Variants in TSPOAP1 observed in about 807,000 individuals in gnomAD.
TSPOAP1 encodes peripheral-type benzodiazepine receptor-associated protein 1.
A neutral mutation model predicts 197.0 loss-of-function variants in TSPOAP1; 87 were observed. The observed-to-expected ratio is 0.44, with a 90% CI of 0.37 to 0.53. TSPOAP1 has a LOEUF of 0.53. TSPOAP1 is among the 20% of genes least tolerant of loss of function. The pLI is 0.00. For missense variants in TSPOAP1, 2,174 were observed against 2,411.3 expected, an observed-to-expected ratio of 0.90 and a Z score of 2.06; for synonymous variants, 913 against 998.9, an observed-to-expected ratio of 0.91 and a Z score of 1.62.
In TSPOAP1 at chr17:58,326,524, C is replaced by T; in HGVS notation, c.442-103G>A. 6.4e-7 allele frequency: 1 copy of T among 1,560,194 alleles called. No individual in the cohort carries two copies. Among genetic ancestry groups the T allele is most frequent in the Non-Finnish European group, 8.7e-7 (1 of 1,150,374 alleles). ...TAGAGCCCTAGGCTCACAGTGGGGT[C>T]CTTGGCAACTCTAGGCAGGGGTTCA... On this transcript the variant is annotated intron_variant, in intron 2 of 31. Coordinates refer to ENST00000343736, the MANE Select transcript of TSPOAP1 (RefSeq NM_004758.4). The surrounding 1 kb of genome is among the most constrained non-coding windows in gnomAD (Gnocchi z 4.7).
chr17:58,307,923 C>A lies in TSPOAP1; in HGVS notation c.4750G>T (p.Ala1584Ser), dbSNP rs139104560. 5 of 1,612,634 alleles carry A rather than the reference C, an allele frequency of 3.1e-6. No homozygotes were observed. Among genetic ancestry groups the A allele is most frequent in the South Asian group, 1.1e-5 (1 of 90,958 alleles). Residue 1584 changes from alanine (A) to serine (S), a missense_variant, in exon 23 of 32, where the codon GCC becomes TCC. Around this residue, in one of 5 missense-constraint regions of TSPOAP1, gnomAD observed 1,933 missense variants for 2,139.0 expected, o/e 0.90. Transcript: ENST00000343736. The part of the protein sequence containing the change: ...PLSRATETGE[A>S]RGQDGSGRRG... ...CGCCCAGAGCCGTCCTGCCCTCTGG[C>A]CTCTCCGGTCTCTGTTGCCTGCAAA... is the stretch of plus-strand genomic sequence containing the variant.
chr17:58,306,439 C>A, intron 25 of TSPOAP1, 26 bp from the exon 26 acceptor site: 1 of 1,545,578 alleles, frequency 6.5e-7, no homozygotes, highest in Non-Finnish European at 8.8e-7. Context: ...AGAGAGAAAG[C>A]GAGGCAGGGG....
chr17:58,323,933 G>C (rs79825921), intron 5 of TSPOAP1, among the ~76,000 whole-genome samples: 6,687 of 152,222 alleles, frequency 0.044, 181 homozygotes, highest in East Asian at 0.12. Flanking sequence ...CTGGGCCCCC[G>C]GGGATGTGGT....
rs1442112370 is a variant in TSPOAP1 at position 58,316,262 on chromosome 17, G to A, written c.1989-130C>T. On this transcript the variant is annotated intron_variant, in intron 15 of 31. Coordinates refer to ENST00000343736, the MANE Select transcript of TSPOAP1 (RefSeq NM_004758.4). ...GTGGTTGTCCACCACCAGCAAAGCT[G>A]AGCCCTCACTGCACCCACCTTGGCC... The A allele has an allele frequency of 3.7e-6, 4 of 1,074,716 alleles. No homozygotes were observed. In the African/African-American group the frequency reaches 4.7e-5, roughly 13 times the overall value. The allele number at this position is 1,074,716 out of a possible 1,614,324, so 66.6% of individuals were successfully genotyped here.
In TSPOAP1 at chr17:58,310,022, G is replaced by C; in HGVS notation, c.3836C>G (p.Thr1279Ser). 6.2e-7 allele frequency: 1 copy of C among 1,613,718 alleles called. No homozygotes were observed. Among genetic ancestry groups the C allele is most frequent in the Non-Finnish European group, 8.5e-7 (1 of 1,179,984 alleles). Residue 1279 changes from threonine to serine, a missense_variant, in exon 21 of 32, where the codon ACT becomes AGT. Around this residue, in one of 5 missense-constraint regions of TSPOAP1, gnomAD observed 1,933 missense variants for 2,139.0 expected, o/e 0.90. Coordinates refer to ENST00000343736, the MANE Select transcript of TSPOAP1 (RefSeq NM_004758.4). ...EEEEEELGSRTCSFQKQVAGN... is the reference protein window; with the variant it reads ...EEEEEELGSRSCSFQKQVAGN... ...AGCAACCTGCTTCTGGAAGGAGCAAGTCCTGGAACCCAGCTCCTCTTCCTC... is the reference window on the plus strand; with the variant it reads ...AGCAACCTGCTTCTGGAAGGAGCAACTCCTGGAACCCAGCTCCTCTTCCTC...
In TSPOAP1 at chr17:58,318,296, G is replaced by A; in HGVS notation, c.1856C>T (p.Ser619Leu). The A allele has an allele frequency of 6.2e-7, 1 of 1,614,198 alleles. No individual in the cohort carries two copies. Among genetic ancestry groups the A allele is most frequent in the Non-Finnish European group, 8.5e-7 (1 of 1,180,016 alleles). Reference protein sequence around the residue: ...HSESIHNSPKSCPTPEVDTAS... With the variant: ...HSESIHNSPKLCPTPEVDTAS... Reference sequence around the variant, plus strand: ...AGCAATTACCTCAGGTGTAGGGCATGACTTGGGGCTGTTGTGGATGGACTC... The same window carrying A: ...AGCAATTACCTCAGGTGTAGGGCATAACTTGGGGCTGTTGTGGATGGACTC... Residue 619 changes from serine (S) to leucine (L), a missense_variant, in exon 14 of 32, where the codon TCA (serine) becomes TTA (leucine). By Grantham distance (145) the Ser-to-Leu change is moderately radical (BLOSUM62 -2). Coordinates refer to ENST00000343736, the MANE Select transcript of TSPOAP1 (RefSeq NM_004758.4).
chr17:58,311,884 C>G lies in TSPOAP1; in HGVS notation c.2929+8G>C. 6.5e-7 allele frequency: 1 copy of G among 1,532,530 alleles called. No homozygotes were observed. Among genetic ancestry groups the G allele is most frequent in the Admixed American group, 2.0e-5 (1 of 50,024 alleles). 94.9% of individuals were successfully genotyped at this position (1,532,530 alleles called of 1,614,324 possible). On this transcript the variant is annotated splice_region_variant and intron_variant, in intron 17 of 31. Coordinates refer to ENST00000343736, the MANE Select transcript of TSPOAP1 (RefSeq NM_004758.4). The stretch of plus-strand genomic sequence containing the variant: ...GTGTTCTGGACAACAGGGCCCAAGC[C>G]CACATACCTGCTGGGAGTGTGGTGA...
At chr17:58,305,726 C>T in intron 27 of TSPOAP1, 83 bp from the exon 28 acceptor site, 1 of 1,483,288 alleles carries the variant, frequency 6.7e-7, no homozygotes, top group Non-Finnish European at 9.3e-7. Context: ...CCCCTGCTGA[C>T]CCCCTGTCAC....
At chr17:58,313,335 A>G (rs962112807) in intron 16 of TSPOAP1, among the ~76,000 whole-genome samples, 1 of 152,208 alleles carries the variant, frequency 6.6e-6, no homozygotes, top group Admixed American at 6.5e-5. Context: ...AAAACTGGCC[A>G]GGCATGGTGG....
At position 58,311,673 on chromosome 17, in the gene TSPOAP1, A is replaced by G. The variant is rs1278418375; in HGVS notation, c.2979T>C (p.Pro993=). ...LDVQIEPGPS[P]GILIISWLPV... is the part of the protein sequence containing the mutation. ...GGAGCCAACTGATGATCAAGATCCC[A>G]GGGGAGGGCCCAGGCTCGATCTGCA... The change falls in exon 18 of 32, where the codon CCT becomes CCC. Residue 993 remains proline, a synonymous_variant. Transcript: ENST00000343736. The G allele has an allele frequency of 6.2e-7, 1 of 1,609,126 alleles. No individual in the cohort carries two copies. Among genetic ancestry groups the G allele is most frequent in the South Asian group, 1.1e-5 (1 of 90,602 alleles).
chr17:58,307,706 A>G lies in TSPOAP1; in HGVS notation c.4888T>C (p.Phe1630Leu). The change falls in exon 24 of 32, where the codon TTT becomes CTT. Residue 1630 changes from phenylalanine to leucine, a missense_variant. Transcript: ENST00000343736. ...LAYQHLPVRI[F>L]VALFDYDPVS... ...GGGTCATAGTCAAACAGAGCCACAA[A>G]GATCCTGACGGGTAGGTGCTGGTAA... 1 of 1,614,210 alleles carries G rather than the reference A, an allele frequency of 6.2e-7. No individual in the cohort carries two copies. Among genetic ancestry groups the G allele is most frequent in the Non-Finnish European group, 8.5e-7 (1 of 1,180,042 alleles).
At position 58,305,113 on chromosome 17, in the gene TSPOAP1, G is replaced by C. The variant is rs1970839018; in HGVS notation, c.5492C>G (p.Pro1831Arg). ...VPSNFLEGPG[P>R]EAGGLDREPR... is the part of the protein sequence containing the mutation. Reference sequence around the variant, plus strand: ...TTCCCTGTCCAGGCCGCCTGCCTCAGGCCCAGGGCCCTCCAGGAAGTTGGA... The same window carrying C: ...TTCCCTGTCCAGGCCGCCTGCCTCACGCCCAGGGCCCTCCAGGAAGTTGGA... The change falls in exon 30 of 32, where the codon CCT becomes CGT. Residue 1831 changes from proline to arginine, a missense_variant. This residue lies in a region of TSPOAP1 where 60 missense variants were observed against 56.2 expected (regional missense o/e 1.07). Coordinates refer to ENST00000343736, the MANE Select transcript of TSPOAP1 (RefSeq NM_004758.4). 6.2e-7 allele frequency: 1 copy of C among 1,614,034 alleles called. No homozygotes were observed. Among genetic ancestry groups the C allele is most frequent in the Non-Finnish European group, 8.5e-7 (1 of 1,179,968 alleles).
At position 58,310,664 on chromosome 17, in the gene TSPOAP1, C is replaced by G. The variant is rs901265455; in HGVS notation, c.3547G>C (p.Ala1183Pro). The G allele has an allele frequency of 1.2e-6, 2 of 1,612,836 alleles. No individual in the cohort carries two copies. Among genetic ancestry groups the G allele is most frequent in the African/African-American group, 2.7e-5 (2 of 74,940 alleles). ...TLGEKDPGPA[A>P]PSLAKQEAEW... is the part of the protein sequence containing the mutation. ...GCCTCCTGCTTGGCCAGTGAGGGAGCTGCGGGGCCAGGGTCCTTCTCACCC... is the reference window on the plus strand; with the variant it reads ...GCCTCCTGCTTGGCCAGTGAGGGAGGTGCGGGGCCAGGGTCCTTCTCACCC... The change falls in exon 20 of 32, where the codon GCT becomes CCT. Residue 1183 changes from alanine to proline, a missense_variant. This residue lies in a region of TSPOAP1 where 1,933 missense variants were observed against 2,139.0 expected (regional missense o/e 0.90). Transcript: ENST00000343736.
intron 7 of TSPOAP1, 50 bp from the exon 8 acceptor site, chr17:58,323,089 C>T (rs1971451485): frequency 1.2e-5 from 19 of 1,567,054 alleles, no homozygotes; most frequent in Non-Finnish European, 1.5e-5. Flanking sequence ...CCACATTCCC[C>T]CTCTCCCCAC....
chr17:58,322,846 C>G lies in TSPOAP1; in HGVS notation c.1195-70G>C, dbSNP rs1408791652. On this transcript the variant is annotated intron_variant, in intron 8 of 31. Coordinates refer to ENST00000343736, the MANE Select transcript of TSPOAP1 (RefSeq NM_004758.4). This position sits in a 1 kb window ranked among gnomAD's most constrained non-coding sequence, Gnocchi z 5.0. ...CCCACCAGCACCCTCACAGGGGGAA[C>G]AGTACCCTACCCCTGCTCAGGGGTG... is the stretch of plus-strand genomic sequence containing the variant. 2 of 1,606,284 alleles carry G rather than the reference C, an allele frequency of 1.2e-6. No individual in the cohort carries two copies. Among genetic ancestry groups the G allele is most frequent in the Non-Finnish European group, 1.7e-6 (2 of 1,175,460 alleles).
At chr17:58,318,554 G>A (rs763448227) in intron 13 of TSPOAP1, 102 bp from the exon 14 acceptor site, 63 of 1,180,744 alleles carry the variant, frequency 5.3e-5, no homozygotes, top group Admixed American at 8.4e-5. Context: ...CTCCATAGCC[G>A]GGCTTCCTTA....
At chr17:58,323,177 C>A (rs772511637) in intron 7 of TSPOAP1, 121 bp downstream of exon 7, 1 of 1,469,516 alleles carries the variant, frequency 6.8e-7, no homozygotes. Flanking sequence ...AGGAAAGGAG[C>A]AGGAGGGAAA....
chr17:58,323,402 G>T (rs372161518), intron 6 of TSPOAP1, 21 bp from the exon 7 acceptor site: 4 of 1,614,102 alleles, frequency 2.5e-6, no homozygotes, highest in African/African-American at 1.3e-5. Context: ...AGAACCAAGT[G>T]CTCCTCATGA....
At chr17:58,311,812 TA>T in intron 17 of TSPOAP1, 79 bp downstream of exon 17, 1 of 1,488,698 alleles carries the variant, frequency 6.7e-7, no homozygotes, top group Admixed American at 2.4e-5. Context: ...ATAACGCAAA[TA>T]AGATCAGGGT....
Sources: allele counts gnomAD v4.1 joint callset (sites outside exome capture counted in the v4.1 genomes callset), GRCh38; gene constraint gnomAD v4.1.1; regional missense constraint gnomAD v4.1.1; non-coding constraint Gnocchi (gnomAD v3.1); transcripts MANE v1.5; gene names NCBI Gene and HGNC (gene_info 2026-07-23, HGNC 2026-07-21).